Variants in MOGAT2 observed in about 807,000 individuals in gnomAD.
MOGAT2 encodes 2-acylglycerol O-acyltransferase 2.
Under a neutral mutation model 31.5 loss-of-function variants are expected in MOGAT2, and 27 were observed. The observed-to-expected ratio is 0.86, with a 90% confidence interval of 0.63 to 1.18. The LOEUF is 1.18. Among genes scored for constraint, MOGAT2 ranks in the 50% most tolerant of loss-of-function variants. The probability of loss-of-function intolerance (pLI) is 0.00; values close to 1 mark genes in which losing one functional copy is unlikely to be tolerated. For missense variants in MOGAT2, 436 were observed against 433.2 expected (o/e 1.01, Z -0.06); for synonymous variants, 163 against 170.0 (o/e 0.96, Z 0.32).
chr11:75,718,985 A>T (rs200106685), intron 1 of MOGAT2, among the ~76,000 whole-genome samples: 37 of 117,006 alleles, frequency 3.2e-4, no homozygotes, highest in Admixed American at 1.1e-3. Context: ...TCTCTCTCAC[A>T]CACACACACA....
intron 2 of MOGAT2, among the ~76,000 whole-genome samples, chr11:75,724,678 A>G (rs1944405507): frequency 2.0e-5 from 3 of 152,070 alleles, no homozygotes; most frequent in South Asian, 4.2e-4. Flanking sequence ...AAAAATTCAA[A>G]AACAGACCAA....
chr11:75,727,691 G>T (rs552763007), intron 3 of MOGAT2, 52 bp downstream of exon 3: 6 of 1,546,056 alleles, frequency 3.9e-6, no homozygotes, highest in Admixed American at 3.6e-5. Context: ...TTTTCGGAAG[G>T]GTTGCCAATA....
At chr11:75,720,435 A>T (rs1326596977) in intron 2 of MOGAT2, among the ~76,000 whole-genome samples, 1 of 152,132 alleles carries the variant, frequency 6.6e-6, no homozygotes, top group Non-Finnish European at 1.5e-5. Context: ...TGTGGGTTAT[A>T]TGGTGTGAGG....
rs557284106 is a variant in MOGAT2 at position 75,720,460 on chromosome 11, T to G, written c.270+290T>G. 3.3e-5 allele frequency among the ~76,000 whole-genome samples: 5 copies of G among 152,278 alleles called. No individual in the cohort carries two copies. The East Asian group carries it at 9.6e-4, about 29-fold the overall frequency. On this transcript the variant is annotated intron_variant, in intron 2 of 5. Coordinates refer to ENST00000198801, the MANE Select transcript of MOGAT2 (RefSeq NM_025098.4). ...ATGGTGTGAGGCATGCCTATGTATCTTAAAGGCACAAACCCATCAGCAGCC... is the reference window on the plus strand; with the variant it reads ...ATGGTGTGAGGCATGCCTATGTATCGTAAAGGCACAAACCCATCAGCAGCC...
chr11:75,727,728 G>A (rs1486630692), intron 3 of MOGAT2, 89 bp downstream of exon 3: 15 of 1,347,954 alleles, frequency 1.1e-5, no homozygotes, highest in Admixed American at 1.9e-5. Flanking sequence ...AAGAGCGTGT[G>A]CAGTAGGAGA....
chr11:75,720,737 C>T (rs1287600091), intron 2 of MOGAT2, among the ~76,000 whole-genome samples: 1 of 152,124 alleles, frequency 6.6e-6, no homozygotes, highest in Non-Finnish European at 1.5e-5. Context: ...TTGGGCAAAG[C>T]TTTATCCTGT....
chr11:75,718,086 A>C, intron 1 of MOGAT2, 107 bp downstream of exon 1: 4 of 1,146,248 alleles, frequency 3.5e-6, no homozygotes, highest in Non-Finnish European at 2.6e-6. Context: ...ATTTATCCTA[A>C]AGGGGGCTTT....
At chr11:75,726,412 G>A (rs571315006) in intron 2 of MOGAT2, among the ~76,000 whole-genome samples, 6 of 151,886 alleles carry the variant, frequency 4.0e-5, no homozygotes, top group South Asian at 2.1e-4. Flanking sequence ...ACTGGTTCCC[G>A]GACCCCCGCA....
Position 75,727,969 on chromosome 11 carries a change from G to C in MOGAT2, c.476-1G>C. 6.2e-7 allele frequency: 1 copy of C among 1,605,600 alleles called. No homozygotes were observed. On this transcript the variant is annotated splice_acceptor_variant, in intron 3 of 5. Coordinates refer to ENST00000198801, the MANE Select transcript of MOGAT2 (RefSeq NM_025098.4). LOFTEE classifies it high-confidence loss of function. ...CCTGACCCACTTTTCTCTTTCCCTA[G>C]GGTTGGTCACATCAGAAAAGGAGAG...
chr11:75,729,113 G>A, intron 5 of MOGAT2, 124 bp downstream of exon 5: 2 of 863,600 alleles, frequency 2.3e-6, no homozygotes, highest in Non-Finnish European at 3.7e-6. Flanking sequence ...TCTAGACTGG[G>A]AAACATACAC....
At position 75,728,975 on chromosome 11, in the gene MOGAT2, C is replaced by T; in HGVS notation, c.836C>T (p.Pro279Leu). 1.2e-5 allele frequency: 20 copies of T among 1,613,782 alleles called. No homozygotes were observed. Among genetic ancestry groups the T allele is most frequent in the Non-Finnish European group, 1.7e-5 (20 of 1,180,034 alleles). Residue 279 changes from proline (P) to leucine (L), a missense_variant, in exon 5 of 6, where the codon CCC (proline) becomes CTC (leucine). Physicochemically the swap from Pro to Leu is moderately conservative, Grantham distance 98. Transcript: ENST00000198801. Reference protein sequence around the residue: ...YSFGLIPYRRPITTVVGKPIE... With the variant: ...YSFGLIPYRRLITTVVGKPIE... ...TTTGGTTTAATACCCTACCGCCGGC[C>T]CATCACCACTGTGGGTAAGTCCAGG...
chr11:75,721,724 G>A (rs549297831), intron 2 of MOGAT2, among the ~76,000 whole-genome samples: 3 of 152,138 alleles, frequency 2.0e-5, no homozygotes, highest in South Asian at 4.1e-4. Flanking sequence ...CCACACCTAC[G>A]TAACTTCTCC....
At chr11:75,718,818 C>T (rs1038440803) in intron 1 of MOGAT2, among the ~76,000 whole-genome samples, 2 of 152,210 alleles carry the variant, frequency 1.3e-5, no homozygotes, top group African/African-American at 4.8e-5. Context: ...ACTAGGAGTC[C>T]GTGGGGTTTT....
intron 3 of MOGAT2, 58 bp from the exon 4 acceptor site, chr11:75,727,912 T>C: frequency 6.7e-7 from 1 of 1,490,546 alleles, no homozygotes; most frequent in Non-Finnish European, 9.1e-7. Context: ...GGGCTACATG[T>C]ACTTTCATAG....
At chr11:75,727,894 CT>C in intron 3 of MOGAT2, 75 bp from the exon 4 acceptor site, 1 of 1,434,282 alleles carries the variant, frequency 7.0e-7, no homozygotes, top group Non-Finnish European at 9.4e-7. Flanking sequence ...TGCTGGTGAT[CT>C]CTTTATGGGC....
intron 1 of MOGAT2, among the ~76,000 whole-genome samples, chr11:75,718,717 G>C (rs997378074): frequency 6.6e-6 from 1 of 152,156 alleles, no homozygotes; most frequent in Non-Finnish European, 1.5e-5. Context: ...CTGATTTGTG[G>C]CCAGAGAGAT....
At chr11:75,727,387 G>A (rs1944430072) in intron 2 of MOGAT2, 48 bp from the exon 3 acceptor site, 2 of 1,574,302 alleles carry the variant, frequency 1.3e-6, no homozygotes, top group Non-Finnish European at 1.7e-6. Flanking sequence ...CAGAGTCAGG[G>A]CTGGTACACA....
chr11:75,722,809 G>C (rs183846688), intron 2 of MOGAT2, among the ~76,000 whole-genome samples: 2 of 152,224 alleles, frequency 1.3e-5, no homozygotes, highest in Admixed American at 1.3e-4. Flanking sequence ...GCAGCTCTGC[G>C]CCTACCCTAT....
At chr11:75,723,106 T>C (rs1944391169) in intron 2 of MOGAT2, among the ~76,000 whole-genome samples, 1 of 151,288 alleles carries the variant, frequency 6.6e-6, no homozygotes, top group Non-Finnish European at 1.5e-5. Context: ...GGATTACAGG[T>C]GCCCGCCACC....
Sources: gnomAD v4.1 joint callset for allele counts (sites outside exome capture counted in the v4.1 genomes callset) on GRCh38, gnomAD v4.1.1 for gene constraint, MANE v1.5 for transcripts, NCBI Gene and HGNC (gene_info 2026-07-23, HGNC 2026-07-21) for gene names.